UNC80: variants seen among roughly 807,000 people sequenced by gnomAD.
UNC80 encodes the protein unc-80 subunit of NALCN channel complex.
UNC80 carries 164 observed loss-of-function variants against 384.6 expected under a neutral mutation model. The observed-to-expected ratio is 0.43, with a 90% CI of 0.38 to 0.49. The LOEUF (loss-of-function observed/expected upper bound fraction) is 0.49, where lower values mean the gene tolerates loss of function less well. UNC80 is among the 20% of genes least tolerant of loss of function. UNC80 has a pLI of 0.00. For missense variants in UNC80, 3,330 were observed against 4,143.0 expected (o/e 0.80, Z 5.39); for synonymous variants, 1,486 against 1,527.8 (o/e 0.97, Z 0.64).
chr2:209,933,281 G>A (rs929193288), intron 38 of UNC80, among the ~76,000 whole-genome samples: 12 of 151,970 alleles, frequency 7.9e-5, no homozygotes, highest in African/African-American at 2.9e-4. Context: ...TAGAAGATAT[G>A]CAAACAACCC....
intron 38 of UNC80, among the ~76,000 whole-genome samples, chr2:209,933,058 A>G (rs2124968607): frequency 6.6e-6 from 1 of 152,310 alleles, no homozygotes; most frequent in East Asian, 1.9e-4. Context: ...AAAAATTTAC[A>G]CTATTTCTTT....
chr2:209,807,433 C>T (rs1010159963), intron 7 of UNC80, among the ~76,000 whole-genome samples: 17 of 145,186 alleles, frequency 1.2e-4, no homozygotes, highest in African/African-American at 2.6e-4. Flanking sequence ...GGTGCTGTCT[C>T]GGCTCACTGC....
At chr2:209,868,747 A>C (rs2084044842) in intron 22 of UNC80, among the ~76,000 whole-genome samples, 1 of 152,222 alleles carries the variant, frequency 6.6e-6, no homozygotes, top group African/African-American at 2.4e-5. Flanking sequence ...CCTGTAACCC[A>C]TGCAGAGAAC....
At chr2:209,807,599 G>A (rs946009410) in intron 7 of UNC80, among the ~76,000 whole-genome samples, 1 of 151,894 alleles carries the variant, frequency 6.6e-6, no homozygotes, top group African/African-American at 2.4e-5. Context: ...TCCTGACCTC[G>A]TGATCCGCCT....
chr2:209,909,571 A>G (rs1046808158), intron 29 of UNC80, among the ~76,000 whole-genome samples: 2 of 152,210 alleles, frequency 1.3e-5, no homozygotes, highest in South Asian at 2.1e-4. Flanking sequence ...CACAGCAACC[A>G]TCACTAAATG....
chr2:209,947,559 C>T (rs192658922), intron 47 of UNC80, among the ~76,000 whole-genome samples: 2 of 151,924 alleles, frequency 1.3e-5, no homozygotes, highest in East Asian at 3.9e-4. Context: ...TTTTTTAATC[C>T]TCCTAATTTT....
At position 209,972,219 on chromosome 2, in the gene UNC80, C is replaced by A. The variant is rs577801702; in HGVS notation, c.8275C>A (p.Pro2759Thr). 9.6e-5 allele frequency: 149 copies of A among 1,551,152 alleles called. 2 individuals carry two copies. The East Asian group carries it at 3.4e-3, about 35-fold the overall frequency. ...TGCACAGGCTTTAAAAGAAGATTTTCCTTTAAGCCATGTGATCTCCCCATT... is the reference window on the plus strand; with the variant it reads ...TGCACAGGCTTTAAAAGAAGATTTTACTTTAAGCCATGTGATCTCCCCATT... ...LQIQALKEDF[P>T]LSHVISPFTN... The change falls in exon 55 of 65, where the codon CCT (proline) becomes ACT (threonine). Residue 2759 changes from proline (P) to threonine (T), a missense_variant. Physicochemically the swap from Pro to Thr is conservative, Grantham distance 38 (BLOSUM62 -1). Around this residue, in one of 8 missense-constraint regions of UNC80, gnomAD observed 1,049 missense variants for 1,488.6 expected, o/e 0.70. Coordinates refer to ENST00000673920, the MANE Select transcript of UNC80 (RefSeq NM_001371986.1).
chr2:209,953,200 G>A (rs191870323), intron 47 of UNC80, among the ~76,000 whole-genome samples: 33 of 151,902 alleles, frequency 2.2e-4, no homozygotes, highest in Non-Finnish European at 3.7e-4. Flanking sequence ...GGAAGATTGC[G>A]TGAGGCCAAG....
chr2:209,924,667 A>G (rs2124957141), intron 35 of UNC80, among the ~76,000 whole-genome samples: 1 of 152,210 alleles, frequency 6.6e-6, no homozygotes, highest in African/African-American at 2.4e-5. Flanking sequence ...CAAGCCCCCT[A>G]GAAATCTCAT....
chr2:209,827,818 GA>G (rs1202859758), intron 14 of UNC80, among the ~76,000 whole-genome samples: 2 of 152,046 alleles, frequency 1.3e-5, no homozygotes, highest in African/African-American at 4.8e-5. Flanking sequence ...CCAAGAAACA[GA>G]AGGTTATTCT....
intron 29 of UNC80, among the ~76,000 whole-genome samples, chr2:209,910,952 G>T (rs1204967029): frequency 2.0e-5 from 3 of 151,994 alleles, no homozygotes; most frequent in Non-Finnish European, 4.4e-5. Context: ...CCTAATAATG[G>T]CTATCATTGG....
intron 40 of UNC80, among the ~76,000 whole-genome samples, chr2:209,936,397 A>C (rs1431230806): frequency 1.3e-5 from 2 of 152,204 alleles, no homozygotes; most frequent in African/African-American, 2.4e-5. Context: ...TATAATGTGC[A>C]CAGTGCATGA....
At chr2:209,830,322 A>G (rs2080863006) in intron 15 of UNC80, among the ~76,000 whole-genome samples, 1 of 152,232 alleles carries the variant, frequency 6.6e-6, no homozygotes, top group Non-Finnish European at 1.5e-5. Flanking sequence ...GTTGTTTTAA[A>G]CCAAACACAA....
At chr2:209,921,933 T>C (rs188270530) in intron 34 of UNC80, among the ~76,000 whole-genome samples, 2 of 152,318 alleles carry the variant, frequency 1.3e-5, no homozygotes, top group Admixed American at 1.3e-4. Context: ...GTATGTGTAT[T>C]AAAGTAAATG....
At chr2:209,794,926 T>C in intron 7 of UNC80, 2 of 385,412 alleles carry the variant, frequency 5.2e-6, no homozygotes, top group South Asian at 4.0e-5. Context: ...ATATAGTAAA[T>C]TGGTACCAGT....
At chr2:209,908,881 A>G (rs1234111515) in intron 29 of UNC80, among the ~76,000 whole-genome samples, 2 of 152,184 alleles carry the variant, frequency 1.3e-5, no homozygotes, top group African/African-American at 2.4e-5. Context: ...GAAATACTGC[A>G]TTTCTGTTGG....
At chr2:209,875,865 AT>A (rs2084733715) in intron 23 of UNC80, among the ~76,000 whole-genome samples, 1 of 151,914 alleles carries the variant, frequency 6.6e-6, no homozygotes, top group Non-Finnish European at 1.5e-5. Context: ...TTTTCTCTTT[AT>A]TTCTTTATTT....
rs1401755739 is a variant in UNC80 at position 209,877,994 on chromosome 2, G to C, written c.3881G>C (p.Ser1294Thr). Residue 1294 changes from serine (S) to threonine (T), a missense_variant, in exon 24 of 65, where the codon AGT becomes ACT. Ser to Thr is a moderately conservative substitution (Grantham distance 58). This residue lies in a region of UNC80 where 801 missense variants were observed against 950.8 expected (regional missense o/e 0.84). Coordinates refer to ENST00000673920, the MANE Select transcript of UNC80 (RefSeq NM_001371986.1). The stretch of plus-strand genomic sequence containing the variant: ...TTGAATGAGCTGTGCCACGGGGAAA[G>C]TGAGAGCCCAGCCAACCTGCTGGGT... ...VRLNELCHGE[S>T]ESPANLLGLI... is the part of the protein sequence containing the mutation. 1.3e-6 allele frequency: 2 copies of C among 1,543,308 alleles called. No homozygotes were observed. The highest frequency in any genetic ancestry group is 1.7e-6 in the Non-Finnish European group (2 of 1,142,942).
At chr2:209,866,486 A>ACT (rs2083782385) in intron 22 of UNC80, among the ~76,000 whole-genome samples, 1 of 111,752 alleles carries the variant, frequency 8.9e-6, no homozygotes, top group African/African-American at 3.9e-5. Flanking sequence ...TACAAAATGC[A>ACT]CCCCCACACA....
Sources: allele counts gnomAD v4.1 joint callset (sites outside exome capture counted in the v4.1 genomes callset), GRCh38; gene constraint gnomAD v4.1.1; regional missense constraint gnomAD v4.1.1; transcripts MANE v1.5; gene names NCBI Gene and HGNC (gene_info 2026-07-23, HGNC 2026-07-21).